ZMIZ1: variants seen among roughly 807,000 people sequenced by gnomAD.
ZMIZ1 encodes the protein zinc finger MIZ-type containing 1, also known as zinc finger MIZ domain-containing protein 1.
Under a neutral mutation model 113.9 loss-of-function variants are expected in ZMIZ1, and 17 were observed. The observed-to-expected ratio is 0.15, with a 90% CI of 0.10 to 0.22. ZMIZ1 has a LOEUF of 0.22. Ranked by LOEUF, ZMIZ1 falls within the 10% of genes least tolerant of loss-of-function variation. The pLI is 1.00. For missense variants in ZMIZ1, 1,059 were observed against 1,477.8 expected, an observed-to-expected ratio of 0.72 and a Z score of 4.65; for synonymous variants, 607 against 603.1, an observed-to-expected ratio of 1.01 and a Z score of -0.09.
chr10:79,258,377 C>A (rs1851048997), intron 7 of ZMIZ1, among the ~76,000 whole-genome samples: 1 of 151,930 alleles, frequency 6.6e-6, no homozygotes, highest in Admixed American at 6.6e-5. Context: ...AGAGCCAAAT[C>A]CTGTCTTAAA....
chr10:79,140,338 C>T (rs79521288), intron 3 of ZMIZ1, among the ~76,000 whole-genome samples: 28 of 152,308 alleles, frequency 1.8e-4, no homozygotes, highest in African/African-American at 5.3e-4. Context: ...TTTCAGACCA[C>T]GAGAACAAGG....
intron 18 of ZMIZ1, among the ~76,000 whole-genome samples, chr10:79,303,737 C>T (rs142798039): frequency 5.3e-4 from 81 of 152,336 alleles, no homozygotes; most frequent in African/African-American, 1.9e-3. Flanking sequence ...CCCTTCCTCG[C>T]GAAGGCAGGG....
intron 1 of ZMIZ1, among the ~76,000 whole-genome samples, chr10:79,114,054 CG>C (rs1843879970): frequency 1.3e-5 from 2 of 152,184 alleles, no homozygotes; most frequent in Non-Finnish European, 2.9e-5. Flanking sequence ...CTCCTACCCC[CG>C]ATCCCCTCTG....
At chr10:79,247,405 A>G (rs1387546797) in intron 7 of ZMIZ1, among the ~76,000 whole-genome samples, 3 of 152,202 alleles carry the variant, frequency 2.0e-5, no homozygotes, top group African/African-American at 7.2e-5. Context: ...ACTGATGCAC[A>G]GAGCTGGGAG....
At chr10:79,259,948 C>T (rs1031088995) in intron 7 of ZMIZ1, among the ~76,000 whole-genome samples, 1 of 152,148 alleles carries the variant, frequency 6.6e-6, no homozygotes, top group African/African-American at 2.4e-5. Flanking sequence ...TGTTGTTTTG[C>T]TCCCCCTCTC....
chr10:79,196,391 C>T (rs1429140993), intron 4 of ZMIZ1, among the ~76,000 whole-genome samples: 6 of 152,224 alleles, frequency 3.9e-5, no homozygotes. Flanking sequence ...GGACCCAGCC[C>T]AGTGCCCCTT....
At chr10:79,096,810 G>A (rs193261715) in intron 1 of ZMIZ1, among the ~76,000 whole-genome samples, 83 of 152,306 alleles carry the variant, frequency 5.4e-4, no homozygotes, top group Admixed American at 1.2e-3. Flanking sequence ...AGGTAAACAA[G>A]ACAATCACAA....
At chr10:79,146,566 G>T (rs909359159) in intron 3 of ZMIZ1, among the ~76,000 whole-genome samples, 1 of 152,234 alleles carries the variant, frequency 6.6e-6, no homozygotes, top group African/African-American at 2.4e-5. Context: ...CTCCCCTCCT[G>T]TGTGGCCCCA....
intron 2 of ZMIZ1, among the ~76,000 whole-genome samples, chr10:79,137,590 T>C (rs1845060360): frequency 6.6e-6 from 1 of 152,064 alleles, no homozygotes; most frequent in Non-Finnish European, 1.5e-5. Context: ...CAGTGGTCGT[T>C]GAGTGGCTGG....
At chr10:79,070,418 C>T (rs1317639329) in intron 1 of ZMIZ1, among the ~76,000 whole-genome samples, 2 of 152,034 alleles carry the variant, frequency 1.3e-5, no homozygotes, top group Non-Finnish European at 2.9e-5. Flanking sequence ...GGAGACTGCC[C>T]CGGAGCCGCC....
At chr10:79,256,290 C>T (rs1271431588) in intron 7 of ZMIZ1, among the ~76,000 whole-genome samples, 1 of 152,210 alleles carries the variant, frequency 6.6e-6, no homozygotes, top group Non-Finnish European at 1.5e-5. Flanking sequence ...TTTCTCCATT[C>T]CCATCTCACC....
chr10:79,242,907 C>T (rs904143698), intron 7 of ZMIZ1, among the ~76,000 whole-genome samples: 3 of 151,896 alleles, frequency 2.0e-5, no homozygotes, highest in African/African-American at 2.4e-5. Flanking sequence ...GAGCTGCCTC[C>T]GATTCATACT....
At chr10:79,281,825 C>A (rs929159984) in intron 8 of ZMIZ1, among the ~76,000 whole-genome samples, 6 of 152,178 alleles carry the variant, frequency 3.9e-5, no homozygotes, top group African/African-American at 9.7e-5. Context: ...TGAATTGCCC[C>A]AGAACACACA....
chr10:79,296,874 T>C lies in ZMIZ1; in HGVS notation c.1413+221T>C, dbSNP rs1402557310. 5.0e-6 allele frequency: 2 copies of C among 403,134 alleles called. No homozygotes were observed. Among genetic ancestry groups the C allele is most frequent in the South Asian group, 1.0e-4 (1 of 9,898 alleles). The allele number at this position is 403,134 out of a possible 1,614,324, so 25.0% of individuals were successfully genotyped here. ...TATTCTCATTCGTCTCGGATGATGG[T>C]TTTTTTTTCTCCTTTTCTTATTCAC... On this transcript the variant is annotated intron_variant, in intron 13 of 24. Coordinates refer to ENST00000334512, the MANE Select transcript of ZMIZ1 (RefSeq NM_020338.4). This position sits in a 1 kb window ranked among gnomAD's most constrained non-coding sequence, Gnocchi z 4.1.
intron 3 of ZMIZ1, among the ~76,000 whole-genome samples, chr10:79,149,662 CAT>C (rs889584606): frequency 2.6e-5 from 4 of 152,208 alleles, no homozygotes; most frequent in Middle Eastern, 3.2e-3. Flanking sequence ...ACGTTGTCCT[CAT>C]GTGGGGCTGC....
At chr10:79,168,622 T>C (rs1846466579) in intron 4 of ZMIZ1, among the ~76,000 whole-genome samples, 1 of 152,188 alleles carries the variant, frequency 6.6e-6, no homozygotes, top group Non-Finnish European at 1.5e-5. Context: ...TTAATGTGCT[T>C]GTGGGCCGTA....
chr10:79,267,050 C>T (rs1851649212), intron 7 of ZMIZ1, among the ~76,000 whole-genome samples: 2 of 152,244 alleles, frequency 1.3e-5, no homozygotes, highest in Admixed American at 1.3e-4. Flanking sequence ...TGCAAAGTCC[C>T]CCCAGCCCCT....
At chr10:79,075,266 C>G (rs1425790032) in intron 1 of ZMIZ1, among the ~76,000 whole-genome samples, 1 of 152,178 alleles carries the variant, frequency 6.6e-6, no homozygotes, top group African/African-American at 2.4e-5. Flanking sequence ...AGCTCAAACC[C>G]TTCACTGTTC....
chr10:79,109,345 C>CA (rs1843660418), intron 1 of ZMIZ1, among the ~76,000 whole-genome samples: 1 of 152,216 alleles, frequency 6.6e-6, no homozygotes, highest in Non-Finnish European at 1.5e-5. Context: ...TGTCCACACT[C>CA]ACATCCTTGC....
Sources: gnomAD v4.1 joint callset for allele counts (sites outside exome capture counted in the v4.1 genomes callset) on GRCh38, gnomAD v4.1.1 for gene constraint, Gnocchi (gnomAD v3.1) non-coding constraint, MANE v1.5 for transcripts, NCBI Gene and HGNC (gene_info 2026-07-23, HGNC 2026-07-21) for gene names.